NYAP2: variants seen among roughly 807,000 people sequenced by gnomAD.
NYAP2 encodes neuronal tyrosine-phosphorylated phosphoinositide-3-kinase adaptor 2.
Under a neutral mutation model 50.4 loss-of-function variants are expected in NYAP2, and 23 were observed. The observed-to-expected ratio is 0.46, with a 90% CI of 0.33 to 0.65. The LOEUF (loss-of-function observed/expected upper bound fraction) is 0.65, where lower values mean the gene tolerates loss of function less well. NYAP2 is among the 30% of genes least tolerant of loss of function. The pLI is 0.02. For missense variants in NYAP2, 885 were observed against 861.0 expected (o/e 1.03, Z -0.35); for synonymous variants, 394 against 365.2 (o/e 1.08, Z -0.90).
intron 3 of NYAP2, among the ~76,000 whole-genome samples, chr2:225,412,741 G>C (rs183832793): frequency 6.6e-6 from 1 of 152,146 alleles, no homozygotes; most frequent in Non-Finnish European, 1.5e-5. Context: ...GTGGAGAAGA[G>C]CTGGAGGCTT....
intron 3 of NYAP2, among the ~76,000 whole-genome samples, chr2:225,510,490 A>T (rs2106183468): frequency 6.6e-6 from 1 of 152,298 alleles, no homozygotes; most frequent in Non-Finnish European, 1.5e-5. Flanking sequence ...CTGTATATTT[A>T]AAAAACTCCA....
At chr2:225,472,792 T>C (rs1690033181) in intron 3 of NYAP2, among the ~76,000 whole-genome samples, 2 of 151,884 alleles carry the variant, frequency 1.3e-5, no homozygotes, top group South Asian at 2.1e-4. Flanking sequence ...TGTTACTCCT[T>C]TGATTTTCTT....
chr2:225,664,637 G>A, the NYAP2 span, among the ~76,000 whole-genome samples: 3 of 152,158 alleles, frequency 2.0e-5, no homozygotes, highest in African/African-American at 7.2e-5. Context: ...GGGAGGCAGA[G>A]GTGGTTGGAT....
chr2:225,596,035 T>C (rs951612907), intron 5 of NYAP2, among the ~76,000 whole-genome samples: 4 of 152,172 alleles, frequency 2.6e-5, no homozygotes, highest in African/African-American at 9.7e-5. Flanking sequence ...ATATATTTTT[T>C]TGAGAGATGG....
intron 5 of NYAP2, among the ~76,000 whole-genome samples, chr2:225,605,426 C>A (rs548028645): frequency 1.3e-5 from 2 of 152,110 alleles, no homozygotes; most frequent in South Asian, 4.1e-4. Context: ...AGATCAGTGA[C>A]TTTTTAACCT....
chr2:225,445,357 AT>A (rs1251168124), intron 3 of NYAP2, among the ~76,000 whole-genome samples: 1 of 152,008 alleles, frequency 6.6e-6, no homozygotes, highest in Non-Finnish European at 1.5e-5. Context: ...TCCTCTTTTA[AT>A]TTTTTAAAGA....
chr2:225,468,751 A>G (rs1198293938), intron 3 of NYAP2, among the ~76,000 whole-genome samples: 6 of 152,230 alleles, frequency 3.9e-5, no homozygotes, highest in African/African-American at 1.4e-4. Flanking sequence ...CTGTCTAAGG[A>G]GACAGAGGAG....
At chr2:225,616,064 G>T (rs1315710503) in intron 5 of NYAP2, among the ~76,000 whole-genome samples, 1 of 152,196 alleles carries the variant, frequency 6.6e-6, no homozygotes. Context: ...CCTGTAAAGT[G>T]ATTAGGACTT....
intron 4 of NYAP2, 121 bp downstream of exon 4, chr2:225,513,793 TC>T: frequency 1.5e-6 from 1 of 680,046 alleles, no homozygotes; most frequent in Non-Finnish European, 2.2e-6. Flanking sequence ...CACCCTGAAG[TC>T]CCAGAAAAGA....
chr2:225,609,918 A>G (rs1477539249), intron 5 of NYAP2, among the ~76,000 whole-genome samples: 2 of 152,186 alleles, frequency 1.3e-5, no homozygotes, highest in Admixed American at 6.5e-5. Flanking sequence ...ATTTAAATTC[A>G]GATAAATTGG....
chr2:225,456,848 T>C (rs1689746788), intron 3 of NYAP2, among the ~76,000 whole-genome samples: 1 of 152,206 alleles, frequency 6.6e-6, no homozygotes. Flanking sequence ...AATGTGCTTA[T>C]TAGGGCCCAC....
rs146231063 is a variant in NYAP2, at chr2:225,504,428, T to A, written c.222-8943T>A. Among the ~76,000 whole-genome samples, 748 of 151,920 alleles carry A rather than the reference T, an allele frequency of 4.9e-3. 11 individuals carry two copies. Among genetic ancestry groups the A allele is most frequent in the African/African-American group, 0.017 (717 of 41,382 alleles). On this transcript the variant is annotated intron_variant, in intron 3 of 6. Coordinates refer to ENST00000636099, the Ensembl canonical transcript of NYAP2. ...TAGGTTTCAACACATGAATTTGGGG[T>A]GGGGGAGCAGGGGCGACAAACATTC...
At chr2:225,631,267 A>G (rs1328004972) in intron 6 of NYAP2, among the ~76,000 whole-genome samples, 3 of 152,322 alleles carry the variant, frequency 2.0e-5, no homozygotes, top group Non-Finnish European at 2.9e-5. Flanking sequence ...AATTTATACC[A>G]TACTTTCACT....
rs116607504 is a variant in NYAP2, at chr2:225,479,386, G to A, written c.222-33985G>A. Reference sequence around the variant, plus strand: ...TCAGTGAATTAGATTATGCCAACACGATCTACTTATTAAGTGAATCTCAGC... The same window carrying A: ...TCAGTGAATTAGATTATGCCAACACAATCTACTTATTAAGTGAATCTCAGC... On this transcript the variant is annotated intron_variant, in intron 3 of 6. Coordinates refer to ENST00000636099, the Ensembl canonical transcript of NYAP2. Among the ~76,000 whole-genome samples, 723 of 152,184 alleles carry A rather than the reference G, an allele frequency of 4.8e-3. 2 individuals carry two copies. Among genetic ancestry groups the A allele is most frequent in the Non-Finnish European group, 7.4e-3 (506 of 67,976 alleles).
chr2:225,620,169 T>A (rs576350967), intron 5 of NYAP2, among the ~76,000 whole-genome samples: 5 of 152,236 alleles, frequency 3.3e-5, no homozygotes, highest in African/African-American at 1.2e-4. Flanking sequence ...CATTGAGATA[T>A]ATGGATATGG....
the NYAP2 span, among the ~76,000 whole-genome samples, chr2:225,684,203 T>C: frequency 6.6e-6 from 1 of 152,166 alleles, no homozygotes; most frequent in Non-Finnish European, 1.5e-5. Context: ...ACTTCCTCAT[T>C]TTGATAGAAT....
At chr2:225,428,481 CT>C (rs1353939757) in intron 3 of NYAP2, among the ~76,000 whole-genome samples, 2 of 152,202 alleles carry the variant, frequency 1.3e-5, no homozygotes, top group African/African-American at 4.8e-5. Flanking sequence ...CATAAGGCAA[CT>C]ACCCAGTTCT....
chr2:225,459,951 C>A (rs976380957), intron 3 of NYAP2, among the ~76,000 whole-genome samples: 1 of 152,162 alleles, frequency 6.6e-6, no homozygotes, highest in Non-Finnish European at 1.5e-5. Flanking sequence ...GGATTACAGG[C>A]ATGAGCCACA....
At chr2:225,554,531 T>C (rs1343212289) in intron 4 of NYAP2, among the ~76,000 whole-genome samples, 1 of 151,900 alleles carries the variant, frequency 6.6e-6, no homozygotes, top group Non-Finnish European at 1.5e-5. Context: ...GCCATGTTGG[T>C]CGGGCTGATC....
Sources: gnomAD v4.1 joint callset for allele counts (sites outside exome capture counted in the v4.1 genomes callset) on GRCh38, gnomAD v4.1.1 for gene constraint, MANE v1.5 for transcripts, NCBI Gene and HGNC (gene_info 2026-07-23, HGNC 2026-07-21) for gene names.